Variants in CAST observed in about 807,000 individuals in gnomAD.
The protein encoded by CAST is calpastatin, also known as MIR583 host.
A neutral mutation model predicts 119.6 loss-of-function variants in CAST; 76 were observed. The observed-to-expected ratio is 0.64, with a 90% CI of 0.53 to 0.77. CAST has a LOEUF of 0.77. Among genes scored for constraint, CAST ranks in the 30% least tolerant of loss-of-function variants. CAST has a pLI of 0.00. For synonymous variants in CAST, 319 were observed against 331.6 expected (o/e 0.96, Z 0.41); for missense variants, 953 against 946.5 (o/e 1.01, Z -0.09).
chr5:96,451,952 C>T, the CAST span, among the ~76,000 whole-genome samples: 4 of 152,156 alleles, frequency 2.6e-5, no homozygotes, highest in African/African-American at 7.2e-5. Context: ...TACTATCTCA[C>T]GCCAGTTAGA....
At chr5:96,713,276 C>T (rs1410192277) in intron 3 of CAST, among the ~76,000 whole-genome samples, 1 of 151,846 alleles carries the variant, frequency 6.6e-6, no homozygotes, top group Non-Finnish European at 1.5e-5. Flanking sequence ...GGACTACAGG[C>T]ACGTGCCACC....
chr5:96,629,920 A>T (rs1339622993), intron 1 of CAST, among the ~76,000 whole-genome samples: 1 of 152,214 alleles, frequency 6.6e-6, no homozygotes, highest in Non-Finnish European at 1.5e-5. Context: ...TTTAAACCAC[A>T]GCCAAGCCCT....
intron 1 of CAST, among the ~76,000 whole-genome samples, chr5:96,665,826 C>A (rs937709881): frequency 6.6e-6 from 1 of 151,944 alleles, no homozygotes; most frequent in African/African-American, 2.4e-5. Flanking sequence ...ATATATAATA[C>A]ACACATGCAT....
the CAST span, among the ~76,000 whole-genome samples, chr5:96,501,573 G>A: frequency 6.6e-6 from 1 of 152,144 alleles, no homozygotes; most frequent in Non-Finnish European, 1.5e-5. Flanking sequence ...TGCAAAAATT[G>A]ACCAGAGGAA....
chr5:96,493,803 A>G, the CAST span, among the ~76,000 whole-genome samples: 1 of 152,142 alleles, frequency 6.6e-6, no homozygotes, highest in African/African-American at 2.4e-5. Flanking sequence ...CTTTGGGAGG[A>G]CAAGGTGGAT....
At chr5:96,443,756 T>G in the CAST span, among the ~76,000 whole-genome samples, 4 of 152,182 alleles carry the variant, frequency 2.6e-5, no homozygotes, top group Non-Finnish European at 5.9e-5. Flanking sequence ...TGAATCAAAT[T>G]TATTTAACAA....
the CAST span, among the ~76,000 whole-genome samples, chr5:96,109,480 C>T: frequency 4.6e-5 from 7 of 152,216 alleles, no homozygotes; most frequent in African/African-American, 1.2e-4. Context: ...CTTTGAGACT[C>T]GAAGATAAAT....
intron 1 of CAST, among the ~76,000 whole-genome samples, chr5:96,606,797 T>A (rs1747264602): frequency 6.6e-6 from 1 of 152,200 alleles, no homozygotes; most frequent in African/African-American, 2.4e-5. Context: ...CTCTAGAACA[T>A]TATACTATCC....
intron 1 of CAST, among the ~76,000 whole-genome samples, chr5:96,621,830 C>A (rs980747279): frequency 2.6e-5 from 4 of 152,118 alleles, no homozygotes; most frequent in African/African-American, 7.2e-5. Context: ...TCTGGAAGGT[C>A]ACTTCCTGTT....
At position 96,720,965 on chromosome 5, in the gene CAST, T is replaced by C. The variant is rs529459151; in HGVS notation, c.211-1674T>C. Among the ~76,000 whole-genome samples, 63 of 152,362 alleles carry C rather than the reference T, an allele frequency of 4.1e-4. No individual in the cohort carries two copies. The Middle Eastern group carries it at 0.01, about 25-fold the overall frequency. On this transcript the variant is annotated intron_variant, in intron 3 of 31. Coordinates refer to ENST00000675179, the MANE Select transcript of CAST (RefSeq NM_001750.7). ...AATTTCTTGAGTTTGAATGGAAATC[T>C]GTATAATCAATTCCAATTATGGAAG...
chr5:96,412,755 T>TTTTTTGTTTTGTTTTG, the CAST span, among the ~76,000 whole-genome samples: 1 of 141,320 alleles, frequency 7.1e-6, no homozygotes, highest in African/African-American at 2.9e-5. Flanking sequence ...CTGTGATGTT[T>TTTTTTGTTTTGTTTTG]TTTTTTTTTT....
the CAST span, among the ~76,000 whole-genome samples, chr5:96,319,816 A>G: frequency 6.6e-6 from 1 of 152,010 alleles, no homozygotes; most frequent in Non-Finnish European, 1.5e-5. Context: ...TGTCCAAGTC[A>G]GGTGTCTGAA....
chr5:96,766,936 T>C (rs746230940), intron 27 of CAST, among the ~76,000 whole-genome samples: 1 of 152,196 alleles, frequency 6.6e-6, no homozygotes, highest in African/African-American at 2.4e-5. Flanking sequence ...TTGCTTGCAT[T>C]CAGTATTCCT....
the CAST span, among the ~76,000 whole-genome samples, chr5:96,364,172 A>G: frequency 6.6e-6 from 1 of 152,208 alleles, no homozygotes; most frequent in Non-Finnish European, 1.5e-5. Flanking sequence ...CTTGCATCCC[A>G]GGGATGAAGA....
At chr5:96,115,407 G>C in the CAST span, among the ~76,000 whole-genome samples, 1 of 152,214 alleles carries the variant, frequency 6.6e-6, no homozygotes, top group Non-Finnish European at 1.5e-5. Context: ...GCTAGGCCCT[G>C]TTCTAAGCAC....
chr5:96,161,516 A>T, the CAST span, among the ~76,000 whole-genome samples: 6 of 152,266 alleles, frequency 3.9e-5, no homozygotes, highest in African/African-American at 1.4e-4. Flanking sequence ...CCAGTACCAC[A>T]CTGTTTTGCT....
intron 1 of CAST, among the ~76,000 whole-genome samples, chr5:96,592,122 T>G (rs1411153944): frequency 1.3e-5 from 2 of 152,042 alleles, no homozygotes; most frequent in East Asian, 3.9e-4. Context: ...TATGGCCGGG[T>G]GCGGTGGCTC....
At chr5:96,674,620 G>A (rs1057104608) in intron 1 of CAST, among the ~76,000 whole-genome samples, 2 of 151,612 alleles carry the variant, frequency 1.3e-5, no homozygotes, top group Non-Finnish European at 2.9e-5. Flanking sequence ...TTATCTTATC[G>A]CCAAAACAAA....
chr5:96,227,836 T>A, the CAST span, among the ~76,000 whole-genome samples: 1 of 152,110 alleles, frequency 6.6e-6, no homozygotes, highest in Non-Finnish European at 1.5e-5. Context: ...TTTCCCACAC[T>A]CGCTTGTGTA....
Sources: allele counts gnomAD v4.1 joint callset (sites outside exome capture counted in the v4.1 genomes callset), GRCh38; gene constraint gnomAD v4.1.1; transcripts MANE v1.5; gene names NCBI Gene and HGNC (gene_info 2026-07-23, HGNC 2026-07-21).